Variants in DLGAP1 observed in about 807,000 individuals in gnomAD.
DLGAP1 encodes disks large-associated protein 1.
DLGAP1 carries 11 observed loss-of-function variants against 90.8 expected under a neutral mutation model. The ratio of observed to expected loss-of-function variants is 0.12; its 90% CI spans 0.08 to 0.20. The LOEUF is 0.20. Among genes scored for constraint, DLGAP1 ranks in the 10% least tolerant of loss-of-function variants. The probability of loss-of-function intolerance (pLI) is 1.00; values close to 1 mark genes in which losing one functional copy is unlikely to be tolerated. For synonymous variants in DLGAP1, 558 were observed against 540.7 expected, an observed-to-expected ratio of 1.03 and a Z score of -0.44; for missense variants, 1,050 against 1,333.8, an observed-to-expected ratio of 0.79 and a Z score of 3.31.
chr18:3,791,593 C>T (rs1489333685), intron 5 of DLGAP1, among the ~76,000 whole-genome samples: 1 of 151,992 alleles, frequency 6.6e-6, no homozygotes, highest in Admixed American at 6.6e-5. Context: ...CTTATTCAGA[C>T]AAAAACACAA....
chr18:3,518,223 A>C (rs979403307), intron 10 of DLGAP1, among the ~76,000 whole-genome samples: 2 of 152,202 alleles, frequency 1.3e-5, no homozygotes, highest in African/African-American at 4.8e-5. Flanking sequence ...GGAAGGCCTG[A>C]GGAGAGGGAG....
At chr18:3,905,803 G>A (rs1190516275) in intron 3 of DLGAP1, among the ~76,000 whole-genome samples, 2 of 152,224 alleles carry the variant, frequency 1.3e-5, no homozygotes, top group African/African-American at 4.8e-5. Context: ...TTGGCACAAT[G>A]TGTTTGGGGG....
chr18:4,114,519 T>C (rs1568404407), intron 2 of DLGAP1, among the ~76,000 whole-genome samples: 3 of 152,170 alleles, frequency 2.0e-5, no homozygotes, highest in Non-Finnish European at 2.9e-5. Context: ...ATGAAGTCTT[T>C]AGAGTTTTGT....
intron 1 of DLGAP1, among the ~76,000 whole-genome samples, chr18:4,343,428 C>T (rs2081241329): frequency 6.6e-6 from 1 of 151,880 alleles, no homozygotes; most frequent in South Asian, 2.1e-4. Context: ...GTGGTAGTAT[C>T]CTGATTACTT....
chr18:4,300,542 T>C (rs1264816955), intron 1 of DLGAP1, among the ~76,000 whole-genome samples: 1 of 152,164 alleles, frequency 6.6e-6, no homozygotes, highest in Non-Finnish European at 1.5e-5. Flanking sequence ...AATTTTTTTA[T>C]ATTTGTTTTA....
intron 1 of DLGAP1, among the ~76,000 whole-genome samples, chr18:4,263,496 A>T (rs1245485364): frequency 6.6e-6 from 1 of 152,212 alleles, no homozygotes; most frequent in Non-Finnish European, 1.5e-5. Flanking sequence ...AAGAAATACA[A>T]AAAGACTTTA....
chr18:3,573,598 T>A (rs1293732037), intron 8 of DLGAP1, among the ~76,000 whole-genome samples: 6 of 152,212 alleles, frequency 3.9e-5, no homozygotes, highest in African/African-American at 1.4e-4. Flanking sequence ...ACCTTTCCTG[T>A]TAAAATGATC....
chr18:3,602,060 A>G (rs1460557046), intron 7 of DLGAP1, among the ~76,000 whole-genome samples: 1 of 151,994 alleles, frequency 6.6e-6, no homozygotes, highest in Non-Finnish European at 1.5e-5. Context: ...TTGGCCCACT[A>G]TAATTTTGCA....
At chr18:3,502,340 T>C in intron 12 of DLGAP1, 153 bp downstream of exon 12, 1 of 1,411,240 alleles carries the variant, frequency 7.1e-7, no homozygotes, top group Non-Finnish European at 9.2e-7. Context: ...TCCCAAATGA[T>C]TACTATGTAA....
rs550481167 is a variant in DLGAP1, at chr18:4,240,308, G to T, written c.-266-89021C>A. Among the ~76,000 whole-genome samples the T allele has an allele frequency of 4.6e-5, 7 of 152,096 alleles. No homozygotes were observed. In the South Asian group the frequency reaches 1.5e-3, roughly 32 times the overall value. ...ATCTATATTTATGCATTAAAATCTA[G>T]TAGGTATAATTTATCAGTAAGAATG... On this transcript the variant is annotated intron_variant, in intron 1 of 12. Coordinates refer to ENST00000315677, the MANE Select transcript of DLGAP1 (RefSeq NM_004746.4).
At chr18:3,589,766 C>G (rs1198270139) in intron 7 of DLGAP1, among the ~76,000 whole-genome samples, 1 of 152,144 alleles carries the variant, frequency 6.6e-6, no homozygotes, top group Non-Finnish European at 1.5e-5. Context: ...GCTGTGAGTT[C>G]TATCAGATGG....
chr18:3,784,322 C>T (rs2065345152), intron 5 of DLGAP1, among the ~76,000 whole-genome samples: 2 of 152,092 alleles, frequency 1.3e-5, no homozygotes, highest in South Asian at 2.1e-4. Context: ...TGTTGGGTCT[C>T]GATGTGTAGC....
At chr18:3,765,855 G>C (rs1395505708) in intron 5 of DLGAP1, among the ~76,000 whole-genome samples, 1 of 151,470 alleles carries the variant, frequency 6.6e-6, no homozygotes, top group Non-Finnish European at 1.5e-5. Flanking sequence ...AAAACAAAGA[G>C]ATACACTCAA....
At chr18:4,388,831 C>T (rs2082286171) in intron 1 of DLGAP1, among the ~76,000 whole-genome samples, 1 of 152,044 alleles carries the variant, frequency 6.6e-6, no homozygotes, top group South Asian at 2.1e-4. Context: ...ATCAGGTTGG[C>T]TACTATCAAA....
At chr18:3,826,477 C>T (rs971364290) in intron 4 of DLGAP1, among the ~76,000 whole-genome samples, 3 of 152,098 alleles carry the variant, frequency 2.0e-5, no homozygotes, top group Admixed American at 1.3e-4. Flanking sequence ...CTCTAGGTAC[C>T]GACTGACTGG....
chr18:3,996,277 CT>C (rs2074068432), intron 3 of DLGAP1, among the ~76,000 whole-genome samples: 1 of 152,024 alleles, frequency 6.6e-6, no homozygotes. Context: ...AAAACAAAGG[CT>C]TTCTACTTGA....
At chr18:4,164,684 A>C (rs1425167803) in intron 1 of DLGAP1, among the ~76,000 whole-genome samples, 1 of 152,152 alleles carries the variant, frequency 6.6e-6, no homozygotes, top group Non-Finnish European at 1.5e-5. Context: ...TGTCTCAAAA[A>C]AACAAAACAA....
At chr18:4,382,203 AAG>A (rs1172487310) in intron 1 of DLGAP1, among the ~76,000 whole-genome samples, 5 of 152,254 alleles carry the variant, frequency 3.3e-5, no homozygotes, top group African/African-American at 1.2e-4. Flanking sequence ...CGGAATGGCT[AAG>A]AGTCAGACTC....
At chr18:4,274,041 G>T (rs1226947878) in intron 1 of DLGAP1, among the ~76,000 whole-genome samples, 1 of 144,426 alleles carries the variant, frequency 6.9e-6, no homozygotes, top group African/African-American at 2.5e-5. Context: ...TTTATTATTT[G>T]TTTTCTTCTC....
Sources: allele counts gnomAD v4.1 joint callset (sites outside exome capture counted in the v4.1 genomes callset), GRCh38; gene constraint gnomAD v4.1.1; transcripts MANE v1.5; gene names NCBI Gene and HGNC (gene_info 2026-07-23, HGNC 2026-07-21).